CCSER1: variants seen among roughly 807,000 people sequenced by gnomAD.
CCSER1 encodes the protein serine-rich coiled-coil domain-containing protein 1.
Under a neutral mutation model 82.0 loss-of-function variants are expected in CCSER1, and 41 were observed. The observed-to-expected ratio is 0.50, with a 90% CI of 0.39 to 0.65. CCSER1 has a LOEUF of 0.65. Among genes scored for constraint, CCSER1 ranks in the 30% least tolerant of loss-of-function variants. CCSER1 has a pLI of 0.00. For synonymous variants in CCSER1, 414 were observed against 383.9 expected, an observed-to-expected ratio of 1.08 and a Z score of -0.92; for missense variants, 1,119 against 1,064.2, an observed-to-expected ratio of 1.05 and a Z score of -0.72.
At chr4:90,464,171 C>T (rs1159920045) in intron 4 of CCSER1, among the ~76,000 whole-genome samples, 1 of 152,122 alleles carries the variant, frequency 6.6e-6, no homozygotes, top group Non-Finnish European at 1.5e-5. Flanking sequence ...CATTTCAAAG[C>T]TAAAAATGAT....
At chr4:90,948,211 T>G (rs977509742) in intron 9 of CCSER1, among the ~76,000 whole-genome samples, 1 of 152,012 alleles carries the variant, frequency 6.6e-6, no homozygotes, top group East Asian at 1.9e-4. Flanking sequence ...CAACAATAGT[T>G]AGGTAAACAT....
intron 1 of CCSER1, among the ~76,000 whole-genome samples, chr4:90,235,908 A>G (rs1326998259): frequency 6.6e-6 from 1 of 152,202 alleles, no homozygotes; most frequent in East Asian, 1.9e-4. Context: ...ACAGCATTCA[A>G]ATTTACAAAG....
intron 6 of CCSER1, among the ~76,000 whole-genome samples, chr4:90,691,392 G>T (rs749374006): frequency 1.3e-5 from 2 of 150,420 alleles, no homozygotes; most frequent in Non-Finnish European, 3.0e-5. Context: ...TCATATATAT[G>T]TGTGTATCCC....
At chr4:91,340,600 T>C (rs1267958072) in intron 10 of CCSER1, among the ~76,000 whole-genome samples, 1 of 152,180 alleles carries the variant, frequency 6.6e-6, no homozygotes, top group African/African-American at 2.4e-5. Flanking sequence ...TTAAATGTCT[T>C]TAATTTGGTA....
chr4:91,340,151 A>G (rs907766267), intron 10 of CCSER1, among the ~76,000 whole-genome samples: 14 of 152,172 alleles, frequency 9.2e-5, no homozygotes, highest in African/African-American at 3.4e-4. Flanking sequence ...TAAGTTTGCC[A>G]CAGTAAGAGA....
At chr4:90,724,756 C>A in intron 7 of CCSER1, 1 of 294,216 alleles carries the variant, frequency 3.4e-6, no homozygotes, top group Non-Finnish European at 6.8e-6. Flanking sequence ...GGTTTAAAGA[C>A]GTGCACATTT....
intron 7 of CCSER1, among the ~76,000 whole-genome samples, chr4:90,810,764 G>T (rs62314132): frequency 0.073 from 11,025 of 152,028 alleles, 485 homozygotes; most frequent in Admixed American, 0.12. Flanking sequence ...GGATGCTATG[G>T]AGCATTCCCA....
At chr4:90,727,272 G>A (rs1390384787) in intron 7 of CCSER1, 2 of 455,912 alleles carry the variant, frequency 4.4e-6, no homozygotes, top group Non-Finnish European at 4.4e-6. Context: ...TTATAGAAGA[G>A]CCAAAGGATA....
At chr4:90,209,510 G>A (rs888905836) in intron 1 of CCSER1, among the ~76,000 whole-genome samples, 3 of 152,036 alleles carry the variant, frequency 2.0e-5, no homozygotes, top group Non-Finnish European at 4.4e-5. Context: ...TTTGATCTGC[G>A]TATGTCTGCA....
intron 10 of CCSER1, among the ~76,000 whole-genome samples, chr4:91,337,792 T>G (rs1013723538): frequency 1.3e-5 from 2 of 152,244 alleles, no homozygotes; most frequent in South Asian, 2.1e-4. Flanking sequence ...TTTTTATATT[T>G]ATTAATATAT....
chr4:90,667,218 C>A (rs938722449), intron 6 of CCSER1, among the ~76,000 whole-genome samples: 4 of 152,136 alleles, frequency 2.6e-5, no homozygotes, highest in Admixed American at 6.6e-5. Flanking sequence ...TGACTTTGAA[C>A]AATTCATTTA....
At chr4:90,350,671 C>CGG (rs1251021617) in intron 3 of CCSER1, among the ~76,000 whole-genome samples, 2 of 151,974 alleles carry the variant, frequency 1.3e-5, no homozygotes, top group Non-Finnish European at 2.9e-5. Flanking sequence ...GGAAGTAAAG[C>CGG]TACCATTTAT....
chr4:90,165,203 A>G (rs890753854), intron 1 of CCSER1, among the ~76,000 whole-genome samples: 5 of 152,070 alleles, frequency 3.3e-5, no homozygotes, highest in East Asian at 1.9e-4. Flanking sequence ...AAGTTTCACT[A>G]TACACAATAG....
At chr4:90,667,922 A>G (rs1184266603) in intron 6 of CCSER1, among the ~76,000 whole-genome samples, 1 of 152,210 alleles carries the variant, frequency 6.6e-6, no homozygotes, top group African/African-American at 2.4e-5. Context: ...GCTAAACTTA[A>G]TAATTTTGTG....
At chr4:90,167,568 C>T (rs1302220667) in intron 1 of CCSER1, among the ~76,000 whole-genome samples, 1 of 152,140 alleles carries the variant, frequency 6.6e-6, no homozygotes, top group Non-Finnish European at 1.5e-5. Flanking sequence ...TGGTGCGCCG[C>T]ACCCAGTAAC....
At chr4:90,792,968 G>A (rs913933531) in intron 7 of CCSER1, among the ~76,000 whole-genome samples, 1 of 152,152 alleles carries the variant, frequency 6.6e-6, no homozygotes, top group African/African-American at 2.4e-5. Context: ...TGTTTCAGCT[G>A]ATAAAGAAGG....
intron 10 of CCSER1, among the ~76,000 whole-genome samples, chr4:91,477,849 C>A (rs996290494): frequency 6.6e-6 from 1 of 151,682 alleles, no homozygotes; most frequent in South Asian, 2.1e-4. Context: ...TCAAATTCTT[C>A]TTGTTGATAA....
At chr4:90,128,149 G>A (rs1323570696) in intron 1 of CCSER1, among the ~76,000 whole-genome samples, 1 of 152,164 alleles carries the variant, frequency 6.6e-6, no homozygotes, top group Non-Finnish European at 1.5e-5. Context: ...GATGCGGAGC[G>A]CTGGCCAAGG....
intron 10 of CCSER1, among the ~76,000 whole-genome samples, chr4:91,491,948 G>GTTT (rs10717215): frequency 1.8e-3 from 222 of 124,546 alleles, no homozygotes; most frequent in East Asian, 0.015. Context: ...ATTGCTAATA[G>GTTT]TTTTTTTTTT....
Sources: allele counts gnomAD v4.1 joint callset (sites outside exome capture counted in the v4.1 genomes callset), GRCh38; gene constraint gnomAD v4.1.1; transcripts MANE v1.5; gene names NCBI Gene and HGNC (gene_info 2026-07-23, HGNC 2026-07-21).